KBTBD8: variants seen among roughly 807,000 people sequenced by gnomAD.
KBTBD8 encodes kelch repeat and BTB domain-containing protein 8.
A neutral mutation model predicts 53.5 loss-of-function variants in KBTBD8; 31 were observed. That is an observed-to-expected ratio of 0.58 (90% CI 0.44 to 0.78). The LOEUF is 0.78. Among genes scored for constraint, KBTBD8 ranks in the 30% least tolerant of loss-of-function variants. The probability of loss-of-function intolerance (pLI) is 0.00; values close to 1 mark genes in which losing one functional copy is unlikely to be tolerated. For synonymous variants in KBTBD8, 250 were observed against 247.3 expected, an observed-to-expected ratio of 1.01 and a Z score of -0.10; for missense variants, 642 against 735.8, an observed-to-expected ratio of 0.87 and a Z score of 1.48.
intron 3 of KBTBD8, among the ~76,000 whole-genome samples, chr3:67,005,777 A>G (rs566338479): frequency 6.6e-6 from 1 of 151,310 alleles, no homozygotes; most frequent in East Asian, 1.9e-4. Flanking sequence ...CTGGGTTCAC[A>G]TGATTCTTCC....
At position 67,003,332 on chromosome 3, in the gene KBTBD8, C is replaced by G. The variant is rs539885063; in HGVS notation, c.365C>G (p.Ala122Gly). The G allele has an allele frequency of 9.5e-5, 154 of 1,614,138 alleles. 3 individuals are homozygous for G. The South Asian group carries it at 1.3e-3, about 13-fold the overall frequency. ...ATTCTTACAGAGGCCAATGTTCAAG[C>G]CTTGTTCACTGCAGCTAGCATCTTC... ...RVILTEANVQ[A>G]LFTAASIFQI... is the part of the protein sequence containing the mutation. Residue 122 changes from alanine to glycine, a missense_variant, in exon 3 of 4, where the codon GCC (alanine) becomes GGC (glycine). Ala to Gly is a moderately conservative substitution (Grantham distance 60). Transcript: ENST00000417314.
At position 66,999,081 on chromosome 3, in the gene KBTBD8, C is replaced by T. The variant is rs776231196; in HGVS notation, c.117C>T (p.Leu39=). Residue 39 remains leucine, a synonymous_variant, in exon 2 of 4, where the codon CTC becomes CTT. Coordinates refer to ENST00000417314, the MANE Select transcript of KBTBD8 (RefSeq NM_032505.3). ...ATGCTTGCAGTATTCTTAAGCAACT[C>T]AAAACAATGTACGATGAAGGACAGT... ...PFHACSILKQ[L]KTMYDEGQLT... The T allele has an allele frequency of 6.2e-7, 1 of 1,614,132 alleles. No homozygotes were observed. The highest frequency in any genetic ancestry group is 8.5e-7 in the Non-Finnish European group (1 of 1,180,012).
At chr3:67,001,023 A>C (rs554558119) in intron 2 of KBTBD8, among the ~76,000 whole-genome samples, 1 of 152,296 alleles carries the variant, frequency 6.6e-6, no homozygotes, top group Non-Finnish European at 1.5e-5. Context: ...CTTTAAAAGA[A>C]GTATGCTATG....
rs888135242 is a variant in KBTBD8 at position 67,010,569 on chromosome 3, T to C, written c.*2184T>C. On this transcript the variant is annotated 3_prime_UTR_variant, in exon 4 of 4. Coordinates refer to ENST00000417314, the MANE Select transcript of KBTBD8 (RefSeq NM_032505.3). ...GTCAAAAGCAAGGCTTAGGATTTGT[T>C]ATGGGAGTAGAATATATATTGAATT... 6 of 152,602 alleles carry C rather than the reference T, an allele frequency of 3.9e-5. No homozygotes were observed. The highest frequency in any genetic ancestry group is 8.8e-5 in the Non-Finnish European group (6 of 68,006). The allele number at this position is 152,602 out of a possible 1,614,324, so 9.5% of individuals were successfully genotyped here.
Position 67,008,437 on chromosome 3 carries a change from T to A in KBTBD8, c.*52T>A, listed in dbSNP as rs1422884642. 7.9e-7 allele frequency: 1 copy of A among 1,272,802 alleles called. No individual in the cohort carries two copies. Among genetic ancestry groups the A allele is most frequent in the Admixed American group, 2.1e-5 (1 of 48,632 alleles). The allele number at this position is 1,272,802 out of a possible 1,614,324, so 78.8% of individuals were successfully genotyped here. A position where few individuals can be genotyped will look rare whatever the true frequency, so the allele number is the denominator to read the frequency against. On this transcript the variant is annotated 3_prime_UTR_variant, in exon 4 of 4. Transcript: ENST00000417314. Reference sequence around the variant, plus strand: ...TGGCATCTCATTCTTAGGAAACTTGTCTTTGATACAAAAGAGTGCTGACAG... The same window carrying A: ...TGGCATCTCATTCTTAGGAAACTTGACTTTGATACAAAAGAGTGCTGACAG...
At position 67,008,596 on chromosome 3, in the gene KBTBD8, G is replaced by T; in HGVS notation, c.*211G>T. ...AAAAGATAACAAAGTGCAATTATCA[G>T]CATTTTTTTTTCCTGGCATAAAATT... On this transcript the variant is annotated 3_prime_UTR_variant, in exon 4 of 4. Transcript: ENST00000417314. 2.1e-6 allele frequency: 1 copy of T among 485,788 alleles called. No homozygotes were observed. The highest frequency in any genetic ancestry group is 3.6e-6 in the Non-Finnish European group (1 of 275,330). 30.1% of individuals were successfully genotyped at this position (485,788 alleles called of 1,614,324 possible).
intron 3 of KBTBD8, 132 bp downstream of exon 3, chr3:67,004,441 C>T: frequency 1.2e-6 from 1 of 830,688 alleles, no homozygotes; most frequent in Non-Finnish European, 1.9e-6. Context: ...ACTATTGGAA[C>T]AGTCTGTTCT....
intron 2 of KBTBD8, among the ~76,000 whole-genome samples, chr3:67,000,036 C>T (rs1289161495): frequency 6.6e-6 from 1 of 152,226 alleles, no homozygotes; most frequent in Non-Finnish European, 1.5e-5. Context: ...TTAAGCCTTT[C>T]AGTATTCACA....
intron 2 of KBTBD8, among the ~76,000 whole-genome samples, chr3:67,000,720 AAAAC>A (rs1489808508): frequency 1.3e-5 from 2 of 149,274 alleles, no homozygotes; most frequent in South Asian, 2.1e-4. Context: ...AGTAAAAACA[AAAAC>A]AAAACAAAAC....
Position 67,003,729 on chromosome 3 carries a change from A to G in KBTBD8, c.762A>G (p.Pro254=). The G allele has an allele frequency of 6.2e-7, 1 of 1,614,132 alleles. No individual in the cohort carries two copies. The highest frequency in any genetic ancestry group is 1.1e-5 in the South Asian group (1 of 91,088). The stretch of plus-strand genomic sequence containing the variant: ...AAGATACCTTTATAGAGAAAATTCC[A>G]CCTCAGTTTGCACAGGCTATAGCCA... ...LMEDTFIEKI[P]PQFAQAIAKS... The change falls in exon 3 of 4, where the codon CCA becomes CCG. Residue 254 remains proline (P), a synonymous_variant. Transcript: ENST00000417314.
chr3:66,999,245 C>CTCAGTATTGT (rs1032416135), intron 2 of KBTBD8, 54 bp downstream of exon 2: 1 of 1,343,106 alleles, frequency 7.4e-7, no homozygotes, highest in African/African-American at 1.4e-5. Context: ...CCCTTTCCCC[C>CTCAGTATTGT]TCAGTATTGT....
chr3:67,002,993 G>A (rs1702030683), intron 2 of KBTBD8, among the ~76,000 whole-genome samples: 1 of 152,160 alleles, frequency 6.6e-6, no homozygotes. Flanking sequence ...CTAGCCCTGA[G>A]AATATGGGTT....
intron 3 of KBTBD8, 107 bp from the exon 4 acceptor site, chr3:67,007,815 A>T (rs6781692): frequency 1.6e-6 from 1 of 606,658 alleles, no homozygotes; most frequent in Non-Finnish European, 2.8e-6. Flanking sequence ...AAAGTGAAAT[A>T]TATAGCAAAT....
At chr3:67,006,322 C>T (rs1702063729) in intron 3 of KBTBD8, among the ~76,000 whole-genome samples, 1 of 152,106 alleles carries the variant, frequency 6.6e-6, no homozygotes, top group African/African-American at 2.4e-5. Context: ...AATAGAATTT[C>T]AGGGCTGGAA....
Position 66,998,325 on chromosome 3 carries a change from T to G in KBTBD8, c.-31T>G. 7.7e-7 allele frequency: 1 copy of G among 1,296,186 alleles called. No individual in the cohort carries two copies. The highest frequency in any genetic ancestry group is 9.9e-7 in the Non-Finnish European group (1 of 1,014,326). The allele number at this position is 1,296,186 out of a possible 1,614,324, so 80.3% of individuals were successfully genotyped here. ...GAGAAGCGAAATGACATTTCCTTTT[T>G]AAATAGCTGGAGTCGGGGCCCCATC... On this transcript the variant is annotated 5_prime_UTR_variant, in exon 1 of 4. An upstream open reading frame in the 5' UTR loses its in-frame stop. Coordinates refer to ENST00000417314, the MANE Select transcript of KBTBD8 (RefSeq NM_032505.3).
chr3:66,999,643 G>A (rs1223821974), intron 2 of KBTBD8, among the ~76,000 whole-genome samples: 1 of 152,162 alleles, frequency 6.6e-6, no homozygotes, highest in African/African-American at 2.4e-5. Flanking sequence ...AATTTTATTG[G>A]ACAGTGCTGA....
intron 2 of KBTBD8, among the ~76,000 whole-genome samples, chr3:67,002,219 T>C (rs1702023663): frequency 6.6e-6 from 1 of 152,204 alleles, no homozygotes; most frequent in East Asian, 1.9e-4. Flanking sequence ...ATGGTATCTT[T>C]GAGAAAATGA....
chr3:67,007,813 A>G, intron 3 of KBTBD8, 109 bp from the exon 4 acceptor site: 1 of 603,892 alleles, frequency 1.7e-6, no homozygotes, highest in Non-Finnish European at 2.8e-6. Context: ...AGAAAGTGAA[A>G]TATATAGCAA....
chr3:67,007,915 T>C lies in KBTBD8; in HGVS notation c.1343-7T>C, dbSNP rs1319110016. ...ACATATTCTTGTTTTCTTTTTTTTT[T>C]TTTTAGGAGAATTTTTTCTCTTCTA... On this transcript the variant is annotated splice_region_variant and splice_polypyrimidine_tract_variant and intron_variant, in intron 3 of 3. Transcript: ENST00000417314. The C allele has an allele frequency of 6.8e-7, 1 of 1,469,762 alleles. No individual in the cohort carries two copies. The highest frequency in any genetic ancestry group is 9.1e-7 in the Non-Finnish European group (1 of 1,095,002). The allele number at this position is 1,469,762 out of a possible 1,614,324, so 91.0% of individuals were successfully genotyped here.
Sources: allele counts gnomAD v4.1 joint callset (sites outside exome capture counted in the v4.1 genomes callset), GRCh38; gene constraint gnomAD v4.1.1; transcripts MANE v1.5; gene names NCBI Gene and HGNC (gene_info 2026-07-23, HGNC 2026-07-21).